Variants in SBNO1 observed in about 807,000 individuals in gnomAD.
SBNO1 encodes protein strawberry notch homolog 1.
A neutral mutation model predicts 173.6 loss-of-function variants in SBNO1; 23 were observed. The ratio of observed to expected loss-of-function variants is 0.13; its 90% CI spans 0.10 to 0.19. The LOEUF (loss-of-function observed/expected upper bound fraction) is 0.19. Ranked by LOEUF, SBNO1 falls within the 10% of genes least tolerant of loss-of-function variation. The pLI is 1.00. For synonymous variants in SBNO1, 632 were observed against 571.5 expected, an observed-to-expected ratio of 1.11 and a Z score of -1.51; for missense variants, 1,238 against 1,671.2, an observed-to-expected ratio of 0.74 and a Z score of 4.52.
At chr12:123,342,408 G>A (rs1056885600) in intron 4 of SBNO1, among the ~76,000 whole-genome samples, 3 of 151,882 alleles carry the variant, frequency 2.0e-5, no homozygotes, top group African/African-American at 7.3e-5. Flanking sequence ...CCGAGATCGC[G>A]CCACTGCACT....
rs1319683034 is a variant in SBNO1, at chr12:123,319,953, G to C, written c.2746C>G (p.Pro916Ala). 6.2e-7 allele frequency: 1 copy of C among 1,613,342 alleles called. No homozygotes were observed. The highest frequency in any genetic ancestry group is 8.5e-7 in the Non-Finnish European group (1 of 1,179,466). The change falls in exon 20 of 32, where the codon CCT (proline) becomes GCT (alanine). Residue 916 changes from proline (P) to alanine (A), a missense_variant. Pro to Ala is a conservative substitution (Grantham distance 27). Around this residue, in one of 14 missense-constraint regions of SBNO1, gnomAD observed 45 missense variants for 85.5 expected, o/e 0.53. Transcript: ENST00000602398. ...TCTGTGATGTTTAGTATTTCCACAG[G>C]CACATCAAGTTCAGATCTTGACTCA... ...SYESRSELDVPVEILNITEKQ... is the reference protein window; with the variant it reads ...SYESRSELDVAVEILNITEKQ...
intron 3 of SBNO1, among the ~76,000 whole-genome samples, chr12:123,346,286 T>C (rs1873127668): frequency 6.6e-6 from 1 of 152,164 alleles, no homozygotes; most frequent in African/African-American, 2.4e-5. Flanking sequence ...TTCTAATGCC[T>C]TGATTGATGA....
chr12:123,336,209 G>T (rs1170710333), intron 6 of SBNO1, among the ~76,000 whole-genome samples, 186 bp downstream of exon 6: 1 of 151,946 alleles, frequency 6.6e-6, no homozygotes. Flanking sequence ...AATTACCTTT[G>T]ATTTTTATAA....
chr12:123,325,276 ACT>A (rs1243021518), intron 15 of SBNO1, among the ~76,000 whole-genome samples: 5 of 152,242 alleles, frequency 3.3e-5, no homozygotes, highest in South Asian at 4.1e-4. Flanking sequence ...TAGTTCACAT[ACT>A]CTGTGTAATA....
chr12:123,305,505 G>A (rs2048891362), intron 28 of SBNO1, among the ~76,000 whole-genome samples: 1 of 151,970 alleles, frequency 6.6e-6, no homozygotes, highest in Non-Finnish European at 1.5e-5. Context: ...AGACAGTCTT[G>A]CTCTGTCACC....
chr12:123,314,088 A>G (rs1312247402), intron 23 of SBNO1, among the ~76,000 whole-genome samples: 4 of 152,134 alleles, frequency 2.6e-5, no homozygotes, highest in African/African-American at 9.7e-5. Context: ...CTCCCTCTCA[A>G]CAAAACCCCA....
At chr12:123,331,590 T>C (rs554957318) in intron 7 of SBNO1, among the ~76,000 whole-genome samples, 35 of 152,008 alleles carry the variant, frequency 2.3e-4, no homozygotes, top group Non-Finnish European at 4.4e-4. Flanking sequence ...GGCGCGATCT[T>C]GGCTCACTGC....
chr12:123,304,787 T>C (rs1593329265), intron 28 of SBNO1, 68 bp from the exon 29 acceptor site: 2 of 1,052,344 alleles, frequency 1.9e-6, no homozygotes, highest in Non-Finnish European at 2.8e-6. Flanking sequence ...TTCTGTACCA[T>C]CACGTCAGCA....
At position 123,319,927 on chromosome 12, in the gene SBNO1, T is replaced by C; in HGVS notation, c.2772A>G (p.Glu924=). ...TATCTCCATCCATAAATCGTTGTTT[T>C]TCTGTGATGTTTAGTATTTCCACAG... ...DVPVEILNIT[E]KQRFMDGDKN... is the part of the protein sequence containing the mutation. The change falls in exon 20 of 32, where the codon GAA becomes GAG. Residue 924 remains glutamate (E), a synonymous_variant. Coordinates refer to ENST00000602398, the MANE Select transcript of SBNO1 (RefSeq NM_001167856.3). 2.5e-6 allele frequency: 4 copies of C among 1,614,042 alleles called. No homozygotes were observed. Among genetic ancestry groups the C allele is most frequent in the Non-Finnish European group, 3.4e-6 (4 of 1,179,908 alleles).
chr12:123,348,184 T>C (rs762631808), intron 2 of SBNO1, 51 bp from the exon 3 acceptor site: 3 of 1,029,312 alleles, frequency 2.9e-6, no homozygotes, highest in South Asian at 1.3e-5. Flanking sequence ...CAGTAAATTC[T>C]GTTTCAAGGA....
intron 1 of SBNO1, among the ~76,000 whole-genome samples, chr12:123,360,656 G>T (rs1332538871): frequency 6.6e-6 from 1 of 151,920 alleles, no homozygotes; most frequent in African/African-American, 2.4e-5. Context: ...TGTTAGCCAG[G>T]ATGGTATGGA....
chr12:123,296,765 T>C (rs928674324), intron 31 of SBNO1, among the ~76,000 whole-genome samples: 1 of 152,048 alleles, frequency 6.6e-6, no homozygotes, highest in African/African-American at 2.4e-5. Flanking sequence ...TTCACGATGT[T>C]GGCCAGGATG....
At chr12:123,343,495 T>C (rs1352160350) in intron 4 of SBNO1, among the ~76,000 whole-genome samples, 1 of 150,932 alleles carries the variant, frequency 6.6e-6, no homozygotes, top group Non-Finnish European at 1.5e-5. Context: ...GACCATCTCC[T>C]ACAACAAAAA....
intron 7 of SBNO1, among the ~76,000 whole-genome samples, chr12:123,332,405 C>A (rs2139008332): frequency 6.6e-6 from 1 of 151,864 alleles, no homozygotes; most frequent in African/African-American, 2.4e-5. Context: ...GATTCTCCTG[C>A]CTCAGCCTCC....
chr12:123,358,214 AC>A (rs1394026791), intron 1 of SBNO1, among the ~76,000 whole-genome samples: 1 of 152,208 alleles, frequency 6.6e-6, no homozygotes, highest in East Asian at 1.9e-4. Context: ...TGTGCATGAA[AC>A]AAAGTTTTGA....
At chr12:123,343,752 G>A (rs913743826) in intron 4 of SBNO1, among the ~76,000 whole-genome samples, 7 of 152,016 alleles carry the variant, frequency 4.6e-5, no homozygotes, top group Admixed American at 3.3e-4. Context: ...TGGCCAGGCT[G>A]GTCTTGAACT....
At chr12:123,336,339 C>A in intron 6 of SBNO1, 56 bp downstream of exon 6, 4 of 1,118,946 alleles carry the variant, frequency 3.6e-6, no homozygotes, top group East Asian at 5.0e-5. Context: ...CAAAAAGAAC[C>A]AAAGAAACCA....
chr12:123,315,022 CAT>C (rs1232103282), intron 23 of SBNO1, among the ~76,000 whole-genome samples: 2 of 152,134 alleles, frequency 1.3e-5, no homozygotes, highest in East Asian at 3.9e-4. Context: ...GGATTACAGA[CAT>C]GAGCCACAGC....
rs761759900 is a variant in SBNO1, at chr12:123,330,514, C to G, written c.1044-5G>C. ...AAGTCATTTGAAACACTAAACCTGC[C>G]AAAATATTAAAAAGCACAAATTAAA... On this transcript the variant is annotated splice_region_variant and splice_polypyrimidine_tract_variant and intron_variant, in intron 8 of 31. Transcript: ENST00000602398. 1 of 1,516,820 alleles carries G rather than the reference C, an allele frequency of 6.6e-7. No homozygotes were observed. The highest frequency in any genetic ancestry group is 1.9e-5 in the Admixed American group (1 of 51,922). The allele number at this position is 1,516,820 out of a possible 1,614,324, so 94.0% of individuals were successfully genotyped here.
Sources: gnomAD v4.1 joint callset for allele counts (sites outside exome capture counted in the v4.1 genomes callset) on GRCh38, gnomAD v4.1.1 for gene constraint, gnomAD v4.1.1 regional missense constraint, MANE v1.5 for transcripts, NCBI Gene and HGNC (gene_info 2026-07-23, HGNC 2026-07-21) for gene names.